The following LDLRAD4 variants were observed in gnomAD, a reference collection of about 807,000 sequenced individuals.
The protein encoded by LDLRAD4 is low density lipoprotein receptor class A domain containing 4, also known as low-density lipoprotein receptor class A domain-containing protein 4.
Under a neutral mutation model 17.0 loss-of-function variants are expected in LDLRAD4, and 5 were observed. The observed-to-expected ratio is 0.29, with a 90% CI of 0.15 to 0.62. The LOEUF is 0.62. LDLRAD4 is among the 20% of genes least tolerant of loss of function. The probability of loss-of-function intolerance (pLI) is 0.84; values close to 1 mark genes in which losing one functional copy is unlikely to be tolerated. For missense variants in LDLRAD4, 340 were observed against 424.7 expected (o/e 0.80, Z 1.75); for synonymous variants, 168 against 171.8 (o/e 0.98, Z 0.17).
chr18:13,370,316 A>G (rs1225330780), intron 1 of LDLRAD4, among the ~76,000 whole-genome samples: 2 of 152,198 alleles, frequency 1.3e-5, no homozygotes, highest in Non-Finnish European at 2.9e-5. Flanking sequence ...TTTGGAAAGC[A>G]TTGTCTTATA....
intron 3 of LDLRAD4, among the ~76,000 whole-genome samples, chr18:13,569,451 C>T (rs887117735): frequency 6.6e-6 from 1 of 152,204 alleles, no homozygotes. Context: ...TGCTTATCTT[C>T]ACTTTACTTT....
chr18:13,555,092 A>C (rs1050551111), intron 3 of LDLRAD4, among the ~76,000 whole-genome samples: 20 of 152,234 alleles, frequency 1.3e-4, no homozygotes, highest in African/African-American at 4.6e-4. Flanking sequence ...GTTATTCCTC[A>C]AACTTGTCAA....
chr18:13,342,354 T>C (rs946294137), intron 1 of LDLRAD4, among the ~76,000 whole-genome samples: 3 of 151,974 alleles, frequency 2.0e-5, no homozygotes, highest in Non-Finnish European at 4.4e-5. Flanking sequence ...AGTGGAGACA[T>C]CTAGTCCTTG....
At chr18:13,617,104 CT>C (rs74886341) in intron 3 of LDLRAD4, among the ~76,000 whole-genome samples, 1,783 of 143,056 alleles carry the variant, frequency 0.012, 12 homozygotes, top group South Asian at 0.04. Context: ...GGGGCCTTTA[CT>C]TTTTTTTTTT....
intron 3 of LDLRAD4, among the ~76,000 whole-genome samples, chr18:13,509,278 C>T (rs2093741698): frequency 6.6e-6 from 1 of 152,222 alleles, no homozygotes; most frequent in African/African-American, 2.4e-5. Flanking sequence ...CATGCCACTG[C>T]ACTCCAGCCT....
rs1040287351 is a variant in LDLRAD4, at chr18:13,622,223, G to A, written c.336+952G>A. On this transcript the variant is annotated intron_variant, in intron 4 of 5. Transcript: ENST00000359446. The surrounding 1 kb of genome is among the most constrained non-coding windows in gnomAD (Gnocchi z 5.3). ...TCCAGGTGGGTTTCCTGGGGTGGCC[G>A]CTGGCCCTGGGACCCCTCTCAGGAG... Among the ~76,000 whole-genome samples, 16 of 152,074 alleles carry A rather than the reference G, an allele frequency of 1.1e-4. No individual in the cohort carries two copies. The highest frequency in any genetic ancestry group is 4.1e-4 in the South Asian group (2 of 4,828).
intron 2 of LDLRAD4, among the ~76,000 whole-genome samples, chr18:13,407,670 T>A (rs2087893202): frequency 1.3e-5 from 2 of 152,214 alleles, no homozygotes; most frequent in African/African-American, 4.8e-5. Context: ...AATCTTTGCC[T>A]GGCCAAATGG....
At chr18:13,642,312 C>G (rs1408750176) in intron 4 of LDLRAD4, 3 of 994,366 alleles carry the variant, frequency 3.0e-6, no homozygotes, top group Non-Finnish European at 3.6e-6. Context: ...CCCCTACACG[C>G]TGAGTTCGCG....
chr18:13,566,135 C>A (rs991679226), intron 3 of LDLRAD4, among the ~76,000 whole-genome samples: 1 of 152,180 alleles, frequency 6.6e-6, no homozygotes, highest in African/African-American at 2.4e-5. Context: ...GTTACAGTTA[C>A]ATCCGCTTGG....
intron 1 of LDLRAD4, among the ~76,000 whole-genome samples, chr18:13,338,543 CAT>C (rs760364538): frequency 1.3e-5 from 2 of 152,190 alleles, no homozygotes; most frequent in Non-Finnish European, 2.9e-5. Flanking sequence ...TACTATCACA[CAT>C]ATGTTTACTC....
chr18:13,309,276 A>G (rs546233368), intron 1 of LDLRAD4, among the ~76,000 whole-genome samples: 2 of 152,328 alleles, frequency 1.3e-5, no homozygotes, highest in Non-Finnish European at 2.9e-5. Context: ...TTAGAGTGCC[A>G]TTCTAGAGTG....
intron 1 of LDLRAD4, among the ~76,000 whole-genome samples, chr18:13,339,307 T>C (rs1278806961): frequency 6.6e-6 from 1 of 152,066 alleles, no homozygotes; most frequent in Non-Finnish European, 1.5e-5. Flanking sequence ...GCCTACTGGA[T>C]TCAAGTGAGT....
At chr18:13,563,973 A>G (rs375994035) in intron 3 of LDLRAD4, among the ~76,000 whole-genome samples, 1 of 152,272 alleles carries the variant, frequency 6.6e-6, no homozygotes. Flanking sequence ...TGGTATAATT[A>G]TAGCTCACTG....
chr18:13,274,310 C>A, upstream of LDLRAD4, among the ~76,000 whole-genome samples: 1 of 152,172 alleles, frequency 6.6e-6, no homozygotes, highest in East Asian at 1.9e-4. Flanking sequence ...AACCTGGAGC[C>A]GTTGATCTCT....
intron 1 of LDLRAD4, among the ~76,000 whole-genome samples, chr18:13,370,717 T>TTTTTTTTTTTTGTTG (rs1568061905): frequency 7.1e-6 from 1 of 141,258 alleles, no homozygotes; most frequent in East Asian, 2.1e-4. Context: ...TGTTTTGTTT[T>TTTTTTTTTTTTGTTG]TTTTTTTTTT....
chr18:13,612,489 T>G lies in LDLRAD4; in HGVS notation c.182-8628T>G. On this transcript the variant is annotated intron_variant, in intron 3 of 5. Transcript: ENST00000359446. ...AGCCACAGCATTTGAGTCTAGCACC[T>G]GGGGTGGGCCCTGCTGATACAGTAG... The G allele has an allele frequency of 2.2e-6, 3 of 1,334,436 alleles. No individual in the cohort carries two copies. The Admixed American group carries it at 1.0e-4, about 45-fold the overall frequency. The allele number at this position is 1,334,436 out of a possible 1,614,324, so 82.7% of individuals were successfully genotyped here. A position where few individuals can be genotyped will look rare whatever the true frequency, so the allele number is the denominator to read the frequency against.
chr18:13,448,465 C>T (rs2091571964), intron 3 of LDLRAD4, among the ~76,000 whole-genome samples: 1 of 152,286 alleles, frequency 6.6e-6, no homozygotes, highest in South Asian at 2.1e-4. Flanking sequence ...AAAAAATCCC[C>T]AGCGCCTGCC....
At chr18:13,311,022 A>G (rs532960998) in intron 1 of LDLRAD4, among the ~76,000 whole-genome samples, 2 of 152,338 alleles carry the variant, frequency 1.3e-5, no homozygotes, top group African/African-American at 4.8e-5. Context: ...AAAATGCAGA[A>G]AGTGATACCT....
intron 3 of LDLRAD4, among the ~76,000 whole-genome samples, chr18:13,466,860 T>A (rs1233652210): frequency 3.9e-5 from 6 of 152,206 alleles, no homozygotes; most frequent in Non-Finnish European, 7.3e-5. Flanking sequence ...GCCAGCCAGC[T>A]CTCTGGGATC....
Sources: gnomAD v4.1 joint callset for allele counts (sites outside exome capture counted in the v4.1 genomes callset) on GRCh38, gnomAD v4.1.1 for gene constraint, Gnocchi (gnomAD v3.1) non-coding constraint, MANE v1.5 for transcripts, NCBI Gene and HGNC (gene_info 2026-07-23, HGNC 2026-07-21) for gene names.